The following TRA2A variants were observed in gnomAD, a reference collection of about 807,000 sequenced individuals.
TRA2A encodes transformer 2 alpha homolog, also known as transformer-2 protein homolog alpha.
A neutral mutation model predicts 45.7 loss-of-function variants in TRA2A; 31 were observed. The ratio of observed to expected loss-of-function variants is 0.68; its 90% CI spans 0.51 to 0.92. The LOEUF (loss-of-function observed/expected upper bound fraction) is 0.92. TRA2A is among the 40% of genes least tolerant of loss of function. The pLI is 0.00. For missense variants in TRA2A, 304 were observed against 367.5 expected, an observed-to-expected ratio of 0.83 and a Z score of 1.41; for synonymous variants, 132 against 126.2, an observed-to-expected ratio of 1.05 and a Z score of -0.31.
At chr7:23,531,542 G>A in intron 1 of TRA2A, 1 of 576,018 alleles carries the variant, frequency 1.7e-6, no homozygotes, top group Non-Finnish European at 3.1e-6. Flanking sequence ...ATGCGGGGGC[G>A]GGGAGGGAAG....
chr7:23,517,477 C>CAAAA lies in TRA2A; in HGVS notation c.171-953_171-950dup, dbSNP rs70954385. On this transcript the variant is annotated intron_variant, in intron 2 of 7. Coordinates refer to ENST00000297071, the MANE Select transcript of TRA2A (RefSeq NM_013293.5). Reference sequence around the variant, plus strand: ...TGGGCGACAGAGCAAGACTACGTCTCAAAAAAAAAAAAAAAAAAAAAAAAA... The same window carrying CAAAA: ...TGGGCGACAGAGCAAGACTACGTCTCAAAAAAAAAAAAAAAAAAAAAAAAAAAAA... 7.9e-3 allele frequency among the ~76,000 whole-genome samples: 109 copies of CAAAA among 13,880 alleles called. 16 individuals carry two copies. The highest frequency in any genetic ancestry group is 9.9e-3 in the Non-Finnish European group (54 of 5,470). 9.1% of individuals were successfully genotyped at this position (13,880 alleles called of 152,430 possible).
At chr7:23,522,850 G>A (rs574760204) in intron 1 of TRA2A, among the ~76,000 whole-genome samples, 12 of 152,148 alleles carry the variant, frequency 7.9e-5, no homozygotes, top group African/African-American at 2.9e-4. Flanking sequence ...TATAGTTAGA[G>A]CAAGGCATCC....
chr7:23,509,945 G>C (rs139204584), intron 4 of TRA2A, among the ~76,000 whole-genome samples: 6 of 152,288 alleles, frequency 3.9e-5, no homozygotes, highest in African/African-American at 1.4e-4. Flanking sequence ...AAGATCACTT[G>C]AGCCTGGGAG....
intron 3 of TRA2A, among the ~76,000 whole-genome samples, chr7:23,516,102 T>C (rs910198662): frequency 6.6e-6 from 1 of 152,032 alleles, no homozygotes; most frequent in Admixed American, 6.6e-5. Context: ...ATTGCACCCC[T>C]GCACTCCAGC....
intron 4 of TRA2A, among the ~76,000 whole-genome samples, chr7:23,511,783 T>A (rs1026589711): frequency 6.6e-6 from 1 of 152,158 alleles, no homozygotes; most frequent in Non-Finnish European, 1.5e-5. Context: ...TAGCACTATT[T>A]CAAGTCATTG....
chr7:23,514,372 T>G (rs745867185), intron 3 of TRA2A, among the ~76,000 whole-genome samples: 3 of 152,174 alleles, frequency 2.0e-5, no homozygotes, highest in Non-Finnish European at 4.4e-5. Context: ...AAATTTTGCT[T>G]CTAAGAGAAA....
chr7:23,520,706 T>TA (rs1790096619), intron 2 of TRA2A, among the ~76,000 whole-genome samples: 1 of 148,254 alleles, frequency 6.7e-6, no homozygotes. Flanking sequence ...TTTTTTTTTT[T>TA]TAAAAAGAAA....
chr7:23,529,902 G>T (rs1292179719), intron 1 of TRA2A, among the ~76,000 whole-genome samples: 1 of 148,316 alleles, frequency 6.7e-6, no homozygotes, highest in Non-Finnish European at 1.5e-5. Context: ...CAGGCTGGTA[G>T]GTGGGAATCT....
chr7:23,509,133 G>A (rs908337549), intron 4 of TRA2A, among the ~76,000 whole-genome samples: 1 of 151,970 alleles, frequency 6.6e-6, no homozygotes, highest in African/African-American at 2.4e-5. Context: ...CACCACACCC[G>A]GTCCAATTTT....
chr7:23,509,824 AG>A (rs1428316215), intron 4 of TRA2A, among the ~76,000 whole-genome samples: 1 of 152,114 alleles, frequency 6.6e-6, no homozygotes, highest in Non-Finnish European at 1.5e-5. Flanking sequence ...CCAGAGTTTG[AG>A]GCTAGCCTGG....
intron 4 of TRA2A, among the ~76,000 whole-genome samples, chr7:23,509,770 T>G (rs988883175): frequency 6.6e-6 from 1 of 151,380 alleles, no homozygotes; most frequent in Non-Finnish European, 1.5e-5. Context: ...AAGTGGCTCA[T>G]GCCTGTAATC....
intron 3 of TRA2A, among the ~76,000 whole-genome samples, chr7:23,515,492 C>A (rs540928479): frequency 8.6e-5 from 13 of 151,996 alleles, no homozygotes; most frequent in African/African-American, 3.1e-4. Flanking sequence ...GCTGGGATTA[C>A]AAGTGTGAGC....
Position 23,507,422 on chromosome 7 carries a change from A to T in TRA2A, c.639T>A (p.Thr213=). Residue 213 remains threonine, a splice_region_variant and synonymous_variant, in exon 5 of 8, where the codon ACT becomes ACA. Transcript: ENST00000297071. ...PTPGIYMGRP[T]HSGGGGGGGG... ...GCTTAGGAAACTTGAACTCTTACTG[A>T]GTTGGTCTGCCCATGTAGATGCCTG... The T allele has an allele frequency of 2.5e-6, 4 of 1,611,914 alleles. No individual in the cohort carries two copies. Among genetic ancestry groups the T allele is most frequent in the South Asian group, 1.1e-5 (1 of 90,992 alleles).
rs138143263 is a variant in TRA2A at position 23,517,023 on chromosome 7, G to A, written c.171-495C>T. ...CTTGGGAGGCTGAGGCAGGAGAATC[G>A]CTTGAACCCAGGAGGCAGAGGTTGC... On this transcript the variant is annotated intron_variant, in intron 2 of 7. Coordinates refer to ENST00000297071, the MANE Select transcript of TRA2A (RefSeq NM_013293.5). Among the ~76,000 whole-genome samples the A allele has an allele frequency of 5.3e-3, 795 of 151,356 alleles. 4 individuals are homozygous for A. Among genetic ancestry groups the A allele is most frequent in the African/African-American group, 0.018 (753 of 41,270 alleles).
At chr7:23,527,896 T>G (rs542939248) in intron 1 of TRA2A, among the ~76,000 whole-genome samples, 538 of 152,272 alleles carry the variant, frequency 3.5e-3, no homozygotes, top group Non-Finnish European at 6.2e-3. Context: ...ATATAAAAAT[T>G]TGAGATTTTA....
At chr7:23,518,663 T>A (rs1451621964) in intron 2 of TRA2A, among the ~76,000 whole-genome samples, 1 of 144,608 alleles carries the variant, frequency 6.9e-6, no homozygotes, top group East Asian at 2.1e-4. Context: ...CATTTCTGAG[T>A]CTTCATTTCT....
At chr7:23,507,671 G>A in intron 4 of TRA2A, 136 bp from the exon 5 acceptor site, 2 of 650,384 alleles carry the variant, frequency 3.1e-6, no homozygotes, top group Admixed American at 2.5e-5. Flanking sequence ...GCTTGTACAG[G>A]GCATTGTATA....
rs192654515 is a variant in TRA2A, at chr7:23,507,232, T to C, written c.641+188A>G. 1,736 of 550,342 alleles carry C rather than the reference T, an allele frequency of 3.2e-3. 18 individuals are homozygous for C. Among genetic ancestry groups the C allele is most frequent in the Non-Finnish European group, 3.8e-3 (1,182 of 309,934 alleles). The allele number at this position is 550,342 out of a possible 1,614,324, so 34.1% of individuals were successfully genotyped here. The stretch of plus-strand genomic sequence containing the variant: ...TCCTGTGCCTCAGCTCCCGAGCAGC[T>C]GGGATTACAGGCATGTGCCACCACA... On this transcript the variant is annotated intron_variant, in intron 5 of 7. Coordinates refer to ENST00000297071, the MANE Select transcript of TRA2A (RefSeq NM_013293.5).
chr7:23,505,500 T>TAAAAAAAA lies in TRA2A; in HGVS notation c.*51_*58dup, dbSNP rs777556731. The TAAAAAAAA allele has an allele frequency of 7.7e-4, 270 of 351,390 alleles. No homozygotes were observed. Among genetic ancestry groups the TAAAAAAAA allele is most frequent in the Non-Finnish European group, 1.0e-3 (214 of 209,688 alleles). The allele number at this position is 351,390 out of a possible 1,614,324, so 21.8% of individuals were successfully genotyped here. On this transcript the variant is annotated 3_prime_UTR_variant, in exon 8 of 8. Coordinates refer to ENST00000297071, the MANE Select transcript of TRA2A (RefSeq NM_013293.5). ...CCACAGCTTGGGGAAATCTCAGAAT[T>TAAAAAAAA]AAAAAAAAAAAAAAAAAAAAGAGGA...
Sources: gnomAD v4.1 joint callset for allele counts (sites outside exome capture counted in the v4.1 genomes callset) on GRCh38, gnomAD v4.1.1 for gene constraint, MANE v1.5 for transcripts, NCBI Gene and HGNC (gene_info 2026-07-23, HGNC 2026-07-21) for gene names.